The following ANO10 variants were observed in gnomAD, a reference collection of about 807,000 sequenced individuals.
ANO10 encodes anoctamin 10.
ANO10 carries 77 observed loss-of-function variants against 74.7 expected under a neutral mutation model. The observed-to-expected ratio is 1.03, with a 90% CI of 0.86 to 1.25. The LOEUF (loss-of-function observed/expected upper bound fraction) is 1.25, where lower values mean the gene tolerates loss of function less well. Ranked by LOEUF, ANO10 falls within the 50% of genes most tolerant of loss-of-function variation. ANO10 has a pLI of 0.00. For missense variants in ANO10, 721 were observed against 778.1 expected (o/e 0.93, Z 0.87); for synonymous variants, 279 against 284.9 (o/e 0.98, Z 0.21).
rs147621659 is a variant in ANO10, at chr3:43,523,315, T to G, written c.1797+26405A>C. On this transcript the variant is annotated intron_variant, in intron 11 of 12. Coordinates refer to ENST00000292246, the MANE Select transcript of ANO10 (RefSeq NM_018075.5). Reference sequence around the variant, plus strand: ...CAGCGGAAAGAGCTGCATGATTTCATGAAGGGCCTCGAAAACTACACTAAA... The same window carrying G: ...CAGCGGAAAGAGCTGCATGATTTCAGGAAGGGCCTCGAAAACTACACTAAA... Among the ~76,000 whole-genome samples, 317 of 152,284 alleles carry G rather than the reference T, an allele frequency of 2.1e-3. 1 individual carries two copies. Among genetic ancestry groups the G allele is most frequent in the Non-Finnish European group, 3.6e-3 (245 of 68,022 alleles).
At position 43,549,671 on chromosome 3, in the gene ANO10, A is replaced by C. The variant is rs779303896; in HGVS notation, c.1797+49T>G. On this transcript the variant is annotated intron_variant, in intron 11 of 12. Coordinates refer to ENST00000292246, the MANE Select transcript of ANO10 (RefSeq NM_018075.5). ...CCGAGACAGCACTGCTTTGGAATAGAGAAACGTAATATGGATACTGCTTAA... is the reference window on the plus strand; with the variant it reads ...CCGAGACAGCACTGCTTTGGAATAGCGAAACGTAATATGGATACTGCTTAA... 22 of 1,607,154 alleles carry C rather than the reference A, an allele frequency of 1.4e-5. No homozygotes were observed. In the South Asian group the frequency reaches 2.4e-4, roughly 18 times the overall value.
chr3:43,423,632 G>T (rs1415548572), intron 12 of ANO10, among the ~76,000 whole-genome samples: 2 of 152,188 alleles, frequency 1.3e-5, no homozygotes, highest in African/African-American at 4.8e-5. Flanking sequence ...AAGTAGGAGT[G>T]CTTGGGAATC....
intron 1 of ANO10, among the ~76,000 whole-genome samples, chr3:43,689,935 T>C (rs1419582900): frequency 6.6e-6 from 1 of 152,156 alleles, no homozygotes; most frequent in Non-Finnish European, 1.5e-5. Context: ...GGATGAGTAG[T>C]AGTGGGTGGC....
At chr3:43,619,521 A>G (rs2083280672) in intron 1 of ANO10, among the ~76,000 whole-genome samples, 1 of 152,108 alleles carries the variant, frequency 6.6e-6, no homozygotes, top group South Asian at 2.1e-4. Flanking sequence ...TTGTAAATCT[A>G]AAATTATTTC....
At chr3:43,564,805 T>C (rs781286779) in intron 8 of ANO10, among the ~76,000 whole-genome samples, 3 of 152,188 alleles carry the variant, frequency 2.0e-5, no homozygotes, top group Non-Finnish European at 4.4e-5. Context: ...GATATGAATG[T>C]TTCCATCACA....
intron 10 of ANO10, among the ~76,000 whole-genome samples, chr3:43,552,077 T>C (rs2079489680): frequency 6.6e-6 from 1 of 152,240 alleles, no homozygotes; most frequent in Non-Finnish European, 1.5e-5. Flanking sequence ...ATAATGTTCC[T>C]GAGTATATCT....
Position 43,496,313 on chromosome 3 carries a change from G to C in ANO10, c.1797+53407C>G, listed in dbSNP as rs556352229. Among the ~76,000 whole-genome samples the C allele has an allele frequency of 4.6e-5, 7 of 152,302 alleles. No individual in the cohort carries two copies. In the South Asian group the frequency reaches 1.4e-3, roughly 32 times the overall value. On this transcript the variant is annotated intron_variant, in intron 11 of 12. Transcript: ENST00000292246. ...GAGCAAGGTATATATTTATTTACCT[G>C]TATATATTGACATATGCAACCCCAT...
intron 1 of ANO10, among the ~76,000 whole-genome samples, chr3:43,633,567 TGAG>T (rs1484466266): frequency 1.3e-5 from 2 of 152,222 alleles, no homozygotes; most frequent in Non-Finnish European, 2.9e-5. Flanking sequence ...ATTACTCACC[TGAG>T]GAGAACTGTT....
intron 11 of ANO10, among the ~76,000 whole-genome samples, chr3:43,530,397 T>C (rs2149246366): frequency 6.7e-6 from 1 of 149,708 alleles, no homozygotes; most frequent in South Asian, 2.1e-4. Context: ...GTTATATAGG[T>C]TATATATTTC....
intron 11 of ANO10, among the ~76,000 whole-genome samples, chr3:43,544,593 G>A (rs1181160037): frequency 1.3e-5 from 2 of 152,058 alleles, no homozygotes; most frequent in African/African-American, 4.8e-5. Flanking sequence ...AGGAGTTCGA[G>A]ATCAGCCTGG....
intron 4 of ANO10, among the ~76,000 whole-genome samples, chr3:43,594,907 A>G (rs991400870): frequency 2.1e-4 from 32 of 152,138 alleles, no homozygotes; most frequent in Admixed American, 4.6e-4. Flanking sequence ...TCAAATAGAC[A>G]CAATAAAAAA....
rs781404448 is a variant in ANO10, at chr3:43,432,659, C to T, written c.1866G>A (p.Met622Ile). Reference protein sequence around the residue: ...AIPDKPRHIQMKLARLEFESL... With the variant: ...AIPDKPRHIQIKLARLEFESL... ...ACTCAAATTCCAGTCTGGCTAGTTT[C>T]ATCTGGATATGCCGTGGCTTATCAG... is the stretch of plus-strand genomic sequence containing the variant. The change falls in exon 12 of 13, where the codon ATG (methionine) becomes ATA (isoleucine). Residue 622 changes from methionine to isoleucine, a missense_variant. By Grantham distance (10) the Met-to-Ile change is conservative (BLOSUM62 1). Coordinates refer to ENST00000292246, the MANE Select transcript of ANO10 (RefSeq NM_018075.5). The T allele has an allele frequency of 1.3e-4, 211 of 1,613,880 alleles. 1 individual carries two copies. Among genetic ancestry groups the T allele is most frequent in the Non-Finnish European group, 1.7e-4 (202 of 1,179,934 alleles).
chr3:43,605,760 G>C lies in ANO10; in HGVS notation c.93C>G (p.Thr31=), dbSNP rs770004799. The change falls in exon 2 of 13, where the codon ACC becomes ACG. Residue 31 remains threonine (T), a synonymous_variant. Transcript: ENST00000292246. ...IELAQDVKEE[T]KEWLKNRIIA... ...TAATTCTGTTTTTCAGCCATTCTTT[G>C]GTTTCTTCTTTGACATCCTGAGCAA... The C allele has an allele frequency of 8.1e-6, 13 of 1,613,480 alleles. No homozygotes were observed. In the South Asian group the frequency reaches 1.4e-4, roughly 18 times the overall value.
At chr3:43,464,493 A>G (rs1317072888) in intron 11 of ANO10, among the ~76,000 whole-genome samples, 1 of 152,204 alleles carries the variant, frequency 6.6e-6, no homozygotes, top group Non-Finnish European at 1.5e-5. Flanking sequence ...CAACCTGGTC[A>G]ACATAGCAAG....
intron 1 of ANO10, among the ~76,000 whole-genome samples, chr3:43,632,950 T>C (rs1319155147): frequency 1.3e-5 from 2 of 152,178 alleles, no homozygotes; most frequent in Non-Finnish European, 2.9e-5. Context: ...AAAATTCTAT[T>C]TAAATATAAC....
intron 4 of ANO10, among the ~76,000 whole-genome samples, chr3:43,585,067 C>G (rs1466606195): frequency 2.6e-5 from 4 of 152,060 alleles, no homozygotes; most frequent in Non-Finnish European, 5.9e-5. Flanking sequence ...TTTATTAGTT[C>G]TAAAATTTGC....
chr3:43,374,939 A>C (rs898441417), intron 12 of ANO10, among the ~76,000 whole-genome samples: 1 of 151,016 alleles, frequency 6.6e-6, no homozygotes, highest in African/African-American at 2.4e-5. Context: ...TAGCCAACAT[A>C]GTGAAACTCC....
At chr3:43,513,389 A>C (rs2077583538) in intron 11 of ANO10, among the ~76,000 whole-genome samples, 1 of 152,208 alleles carries the variant, frequency 6.6e-6, no homozygotes. Flanking sequence ...AAACTTTGTA[A>C]AATAAAGATG....
At chr3:43,559,515 G>T (rs1283982592) in intron 9 of ANO10, among the ~76,000 whole-genome samples, 1 of 152,184 alleles carries the variant, frequency 6.6e-6, no homozygotes, top group Non-Finnish European at 1.5e-5. Context: ...AACAGCAGAA[G>T]ATGTGAAGAG....
Sources: gnomAD v4.1 joint callset for allele counts (sites outside exome capture counted in the v4.1 genomes callset) on GRCh38, gnomAD v4.1.1 for gene constraint, MANE v1.5 for transcripts, NCBI Gene and HGNC (gene_info 2026-07-23, HGNC 2026-07-21) for gene names.